BIRC2: variants seen among roughly 807,000 people sequenced by gnomAD.
BIRC2 encodes the protein baculoviral IAP repeat containing 2.
A neutral mutation model predicts 60.9 loss-of-function variants in BIRC2; 18 were observed. The observed-to-expected ratio is 0.30, with a 90% confidence interval of 0.20 to 0.44. The LOEUF (loss-of-function observed/expected upper bound fraction) is 0.44, where lower values mean the gene tolerates loss of function less well. Among genes scored for constraint, BIRC2 ranks in the 20% least tolerant of loss-of-function variants. The pLI is 1.00. For missense variants in BIRC2, 701 were observed against 728.5 expected, an observed-to-expected ratio of 0.96 and a Z score of 0.43; for synonymous variants, 282 against 247.7, an observed-to-expected ratio of 1.14 and a Z score of -1.30.
intron 6 of BIRC2, among the ~76,000 whole-genome samples, chr11:102,375,679 C>G (rs1591544605): frequency 6.6e-6 from 1 of 151,586 alleles, no homozygotes; most frequent in East Asian, 1.9e-4. Context: ...ATTCGGGAGG[C>G]TGAGGCAGGA....
intron 6 of BIRC2, among the ~76,000 whole-genome samples, chr11:102,374,740 G>T (rs1951685811): frequency 6.6e-6 from 1 of 152,228 alleles, no homozygotes; most frequent in Non-Finnish European, 1.5e-5. Flanking sequence ...TCAAGCCTGG[G>T]CAATGGCGGG....
chr11:102,350,332 C>G lies in BIRC2; in HGVS notation c.478C>G (p.Pro160Ala). 6.2e-7 allele frequency: 1 copy of G among 1,614,186 alleles called. No individual in the cohort carries two copies. The highest frequency in any genetic ancestry group is 8.5e-7 in the Non-Finnish European group (1 of 1,180,030). The change falls in exon 2 of 9, where the codon CCT (proline) becomes GCT (alanine). Residue 160 changes from proline to alanine, a missense_variant. By Grantham distance (27) the Pro-to-Ala change is conservative. Coordinates refer to ENST00000227758, the MANE Select transcript of BIRC2 (RefSeq NM_001166.5). ...SGSYSSLSPN[P>A]LNSRAVEDIS... ...TTCTTACTCCAGCCTTTCTCCAAAC[C>G]CTCTTAATTCTAGAGCAGTTGAAGA... is the stretch of plus-strand genomic sequence containing the variant.
chr11:102,370,247 A>G (rs1269391978), intron 6 of BIRC2, among the ~76,000 whole-genome samples: 15 of 148,104 alleles, frequency 1.0e-4, no homozygotes, highest in East Asian at 5.9e-4. Flanking sequence ...GCCCATGCCT[A>G]TGTCCTGAAT....
intron 5 of BIRC2, among the ~76,000 whole-genome samples, chr11:102,367,488 A>AGAGG (rs1491397865): frequency 6.6e-6 from 1 of 152,206 alleles, no homozygotes; most frequent in African/African-American, 2.4e-5. Context: ...TGTTTGAACA[A>AGAGG]GAGGGGACAT....
chr11:102,359,477 C>T (rs1377889816), intron 3 of BIRC2, among the ~76,000 whole-genome samples: 1 of 152,114 alleles, frequency 6.6e-6, no homozygotes, highest in Non-Finnish European at 1.5e-5. Context: ...TAATTAGTGT[C>T]CTTTCATTTC....
At chr11:102,369,433 C>A (rs1464912868) in intron 6 of BIRC2, among the ~76,000 whole-genome samples, 1 of 150,928 alleles carries the variant, frequency 6.6e-6, no homozygotes, top group East Asian at 1.9e-4. Context: ...TTCGTTCTTG[C>A]GATAGTTTAC....
chr11:102,366,085 GCTAA>G (rs1391888358), intron 5 of BIRC2, among the ~76,000 whole-genome samples: 2 of 152,118 alleles, frequency 1.3e-5, no homozygotes, highest in Non-Finnish European at 2.9e-5. Context: ...GGAATGTCCA[GCTAA>G]CTGTTTAAAT....
intron 6 of BIRC2, among the ~76,000 whole-genome samples, chr11:102,373,956 G>C (rs1211804630): frequency 7.1e-6 from 1 of 141,334 alleles, no homozygotes; most frequent in Non-Finnish European, 1.5e-5. Context: ...CCAGTTGATC[G>C]CATCGGCTCC....
At chr11:102,355,963 T>A (rs1242284941) in intron 3 of BIRC2, among the ~76,000 whole-genome samples, 1 of 152,178 alleles carries the variant, frequency 6.6e-6, no homozygotes, top group Non-Finnish European at 1.5e-5. Context: ...TCCTACAACT[T>A]CTGGATGGTT....
chr11:102,349,447 T>C lies in BIRC2; in HGVS notation c.-408T>C, dbSNP rs542087261. 1.3e-5 allele frequency: 2 copies of C among 155,926 alleles called. No individual in the cohort carries two copies. Among genetic ancestry groups the C allele is most frequent in the Non-Finnish European group, 2.8e-5 (2 of 70,548 alleles). The allele number at this position is 155,926 out of a possible 1,614,324, so 9.7% of individuals were successfully genotyped here. ...TAATTGGTCTGTTATTCAGGCTTCA[T>C]AGCTTGTAACCAAATATAAATAAAA... On this transcript the variant is annotated 5_prime_UTR_variant, in exon 2 of 9. Coordinates refer to ENST00000227758, the MANE Select transcript of BIRC2 (RefSeq NM_001166.5).
At chr11:102,373,888 A>C (rs1951666838) in intron 6 of BIRC2, among the ~76,000 whole-genome samples, 1 of 146,316 alleles carries the variant, frequency 6.8e-6, no homozygotes, top group South Asian at 2.2e-4. Flanking sequence ...TTTTTCTCTA[A>C]ACTTCCCTTC....
intron 3 of BIRC2, chr11:102,362,688 GA>G: frequency 2.4e-6 from 1 of 425,424 alleles, no homozygotes; most frequent in Non-Finnish European, 4.2e-6. Context: ...GATTGAATTA[GA>G]AAATACCGTG....
Position 102,368,318 on chromosome 11 carries a change from G to A in BIRC2, c.1136G>A (p.Gly379Glu). ...TCTTTTCAAATAGTTATTCATTTTG[G>A]ACCTGGAGAAAGTTCTTCAGAAGAT... ...ENADPPIIHF[G>E]PGESSSEDAV... is the part of the protein sequence containing the mutation. The change falls in exon 6 of 9, where the codon GGA becomes GAA. Residue 379 changes from glycine to glutamate, a missense_variant. Physicochemically the swap from Gly to Glu is moderately conservative, Grantham distance 98 (BLOSUM62 -2). Coordinates refer to ENST00000227758, the MANE Select transcript of BIRC2 (RefSeq NM_001166.5). 2 of 1,611,564 alleles carry A rather than the reference G, an allele frequency of 1.2e-6. No individual in the cohort carries two copies. Among genetic ancestry groups the A allele is most frequent in the South Asian group, 1.1e-5 (1 of 90,630 alleles).
At chr11:102,372,964 G>C (rs947419175) in intron 6 of BIRC2, among the ~76,000 whole-genome samples, 56 of 151,630 alleles carry the variant, frequency 3.7e-4, no homozygotes, top group African/African-American at 1.2e-3. Flanking sequence ...TTTAAAGTCC[G>C]TTTTATCAGA....
intron 3 of BIRC2, among the ~76,000 whole-genome samples, chr11:102,361,840 C>CTTT (rs11225226): frequency 8.4e-4 from 118 of 139,706 alleles, no homozygotes; most frequent in African/African-American, 2.5e-3. Context: ...GTTATTCTCC[C>CTTT]TTTTTTTTTT....
At position 102,350,572 on chromosome 11, in the gene BIRC2, C is replaced by T. The variant is rs1262067501; in HGVS notation, c.718C>T (p.His240Tyr). ...WEPKDDAMSE[H>Y]RRHFPNCPFL... ...ACCAAAGGATGATGCTATGTCAGAA[C>T]ACCGGAGGCATTTTCCCAACTGTCC... Residue 240 changes from histidine to tyrosine, a missense_variant, in exon 2 of 9, where the codon CAC (histidine) becomes TAC (tyrosine). By Grantham distance (83) the His-to-Tyr change is moderately conservative. Coordinates refer to ENST00000227758, the MANE Select transcript of BIRC2 (RefSeq NM_001166.5). The T allele has an allele frequency of 6.2e-7, 1 of 1,614,186 alleles. No homozygotes were observed. Among genetic ancestry groups the T allele is most frequent in the Admixed American group, 1.7e-5 (1 of 60,022 alleles).
chr11:102,349,642 C>T lies in BIRC2; in HGVS notation c.-213C>T. The T allele has an allele frequency of 6.3e-6, 3 of 474,812 alleles. No homozygotes were observed. Among genetic ancestry groups the T allele is most frequent in the South Asian group, 8.8e-5 (2 of 22,802 alleles). The allele number at this position is 474,812 out of a possible 1,614,324, so 29.4% of individuals were successfully genotyped here. A position where few individuals can be genotyped will look rare whatever the true frequency, so the allele number is the denominator to read the frequency against. ...CTTAGGTTACCTGAAAGAGTTACTA[C>T]AACCCCAAAGAGTTGTGTTCTAAGT... On this transcript the variant is annotated 5_prime_UTR_variant, in exon 2 of 9. Transcript: ENST00000227758.
rs1951303347 is a variant in BIRC2, at chr11:102,347,323, G to A, written c.-1311G>A. The stretch of plus-strand genomic sequence containing the variant: ...GTCGGCGCCGCTGATTCCCGGCTCT[G>A]CGGAGGCCTCTAGGCAGCCGCGCAG... On this transcript the variant is annotated 5_prime_UTR_variant, in exon 1 of 9. Transcript: ENST00000227758. 6.6e-6 allele frequency: 1 copy of A among 152,362 alleles called. No individual in the cohort carries two copies. Among genetic ancestry groups the A allele is most frequent in the Non-Finnish European group, 1.5e-5 (1 of 68,120 alleles). The allele number at this position is 152,362 out of a possible 1,614,324, so 9.4% of individuals were successfully genotyped here. A position where few individuals can be genotyped will look rare whatever the true frequency, so the allele number is the denominator to read the frequency against.
chr11:102,356,966 G>A (rs2135808692), intron 3 of BIRC2, among the ~76,000 whole-genome samples: 1 of 152,214 alleles, frequency 6.6e-6, no homozygotes, highest in Admixed American at 6.5e-5. Flanking sequence ...CACTGCACCT[G>A]GCTGGTTATA....
Sources: gnomAD v4.1 joint callset for allele counts (sites outside exome capture counted in the v4.1 genomes callset) on GRCh38, gnomAD v4.1.1 for gene constraint, MANE v1.5 for transcripts, NCBI Gene and HGNC (gene_info 2026-07-23, HGNC 2026-07-21) for gene names.